Variants in CHRM5 observed in about 807,000 individuals in gnomAD.
The protein encoded by CHRM5 is cholinergic receptor muscarinic 5.
Under a neutral mutation model 39.0 loss-of-function variants are expected in CHRM5, and 18 were observed. The observed-to-expected ratio is 0.46, with a 90% CI of 0.32 to 0.68. The LOEUF is 0.68. Ranked by LOEUF, CHRM5 falls within the 30% of genes least tolerant of loss-of-function variation. The pLI is 0.04. For synonymous variants in CHRM5, 241 were observed against 246.3 expected, an observed-to-expected ratio of 0.98 and a Z score of 0.20; for missense variants, 515 against 651.1, an observed-to-expected ratio of 0.79 and a Z score of 2.28.
At chr15:33,983,207 TATATATACATATATATACACACAC>T (rs1567447735) in intron 1 of CHRM5, among the ~76,000 whole-genome samples, 12 of 16,200 alleles carry the variant, frequency 7.4e-4, no homozygotes, top group South Asian at 3.1e-3. Flanking sequence ...TGTGTATATA[TATATATACATATATATACACACAC>T]ATACACACAC....
chr15:34,030,655 G>A (rs1363684507), intron 1 of CHRM5, among the ~76,000 whole-genome samples: 1 of 151,896 alleles, frequency 6.6e-6, no homozygotes, highest in African/African-American at 2.4e-5. Context: ...TTGAGAAAGA[G>A]TCTCGGGCTG....
chr15:34,048,850 C>T (rs1899824738), intron 2 of CHRM5, among the ~76,000 whole-genome samples: 2 of 152,202 alleles, frequency 1.3e-5, no homozygotes, highest in South Asian at 4.1e-4. Flanking sequence ...CAGTCTGCCA[C>T]CTTTGCTGTT....
intron 1 of CHRM5, among the ~76,000 whole-genome samples, chr15:33,984,663 A>G (rs1198294476): frequency 6.6e-6 from 1 of 152,116 alleles, no homozygotes; most frequent in Non-Finnish European, 1.5e-5. Flanking sequence ...TGGCCTCCCA[A>G]AGTGCTCGGA....
chr15:33,996,926 T>G (rs1896960043), intron 1 of CHRM5, among the ~76,000 whole-genome samples: 1 of 152,208 alleles, frequency 6.6e-6, no homozygotes, highest in African/African-American at 2.4e-5. Context: ...AAGGAGGCTG[T>G]TCGAACCCAT....
chr15:34,053,318 AAATAT>A (rs1451864920), intron 2 of CHRM5, among the ~76,000 whole-genome samples: 2 of 101,972 alleles, frequency 2.0e-5, no homozygotes, highest in Admixed American at 1.2e-4. Flanking sequence ...AAAAAAAAAA[AAATAT>A]ATATATATAT....
intron 2 of CHRM5, among the ~76,000 whole-genome samples, chr15:34,060,965 G>A (rs1437894287): frequency 2.0e-5 from 3 of 150,880 alleles, no homozygotes; most frequent in African/African-American, 7.3e-5. Context: ...GCAGTGAGCC[G>A]AGATAGCGCC....
In CHRM5 at chr15:34,046,577, T is replaced by C. The variant is rs1279810671; in HGVS notation, c.-370T>C. Reference sequence around the variant, plus strand: ...TCATTCTCAGCCTTGCAACTTAAAATATGGTACATGGATCAGTAGCATCAA... The same window carrying C: ...TCATTCTCAGCCTTGCAACTTAAAACATGGTACATGGATCAGTAGCATCAA... On this transcript the variant is annotated 5_prime_UTR_variant, in exon 2 of 3. Transcript: ENST00000383263. The C allele has an allele frequency of 1.3e-5, 2 of 152,204 alleles. No homozygotes were observed. The highest frequency in any genetic ancestry group is 2.9e-5 in the Non-Finnish European group (2 of 68,028). The allele number at this position is 152,204 out of a possible 1,614,324, so 9.4% of individuals were successfully genotyped here. A position where few individuals can be genotyped will look rare whatever the true frequency, so the allele number is the denominator to read the frequency against.
chr15:34,004,350 A>T (rs1482744214), intron 1 of CHRM5, among the ~76,000 whole-genome samples: 1 of 152,228 alleles, frequency 6.6e-6, no homozygotes, highest in East Asian at 1.9e-4. Flanking sequence ...TAAGGAACCC[A>T]GTTTCTTCAA....
intron 1 of CHRM5, among the ~76,000 whole-genome samples, chr15:34,044,131 A>G (rs183844610): frequency 6.6e-6 from 1 of 152,082 alleles, no homozygotes; most frequent in Non-Finnish European, 1.5e-5. Flanking sequence ...TTACACCCTA[A>G]TCCAACTTCT....
At chr15:34,010,628 T>C (rs1388780119) in intron 1 of CHRM5, among the ~76,000 whole-genome samples, 1 of 152,180 alleles carries the variant, frequency 6.6e-6, no homozygotes, top group Non-Finnish European at 1.5e-5. Flanking sequence ...AAAAGGTAAA[T>C]TATATCATAG....
chr15:33,998,575 C>T (rs1490250572), intron 1 of CHRM5, among the ~76,000 whole-genome samples: 2 of 152,222 alleles, frequency 1.3e-5, no homozygotes, highest in African/African-American at 2.4e-5. Context: ...TTTATACCTG[C>T]TGTCTCAAAC....
At chr15:34,047,555 A>C (rs1190595285) in intron 2 of CHRM5, among the ~76,000 whole-genome samples, 1 of 152,152 alleles carries the variant, frequency 6.6e-6, no homozygotes, top group African/African-American at 2.4e-5. Context: ...CAGCCAGCCA[A>C]CAGTAAAAGC....
At chr15:33,991,269 A>ATCT (rs1896710477) in intron 1 of CHRM5, 1 of 152,212 alleles carries the variant, frequency 6.6e-6, no homozygotes, top group Non-Finnish European at 1.5e-5. Context: ...AGACCTTCTA[A>ATCT]CACTTTTCAA....
intron 1 of CHRM5, chr15:34,007,154 G>A (rs1485202120): frequency 1.3e-4 from 67 of 533,686 alleles, no homozygotes; most frequent in Non-Finnish European, 1.6e-4. Context: ...CTATTATCTT[G>A]TCCAATGACA....
At chr15:33,993,433 T>C (rs545118221) in intron 1 of CHRM5, among the ~76,000 whole-genome samples, 1 of 152,212 alleles carries the variant, frequency 6.6e-6, no homozygotes, top group South Asian at 2.1e-4. Context: ...AGAGTGTCAC[T>C]GTCAGTGGTC....
intron 1 of CHRM5, among the ~76,000 whole-genome samples, chr15:33,983,215 C>CGTGTGT (rs1555512818): frequency 8.9e-6 from 1 of 111,784 alleles, no homozygotes; most frequent in African/African-American, 4.1e-5. Context: ...TATATATATA[C>CGTGTGT]ATATATATAC....
chr15:33,995,668 G>C (rs1200702738), intron 1 of CHRM5, among the ~76,000 whole-genome samples: 1 of 152,232 alleles, frequency 6.6e-6, no homozygotes. Flanking sequence ...AAATGAATCA[G>C]ATGCTTCAGA....
chr15:34,034,927 T>C lies in CHRM5; in HGVS notation c.-407-11613T>C, dbSNP rs564671753. ...AAAGTCTAGAGGCTGTCATTTCAGT[T>C]TGAGCTTTTAACAGGCTCTCAGTCT... On this transcript the variant is annotated intron_variant, in intron 1 of 2. Coordinates refer to ENST00000383263, the MANE Select transcript of CHRM5 (RefSeq NM_012125.4). 4.6e-5 allele frequency among the ~76,000 whole-genome samples: 7 copies of C among 152,362 alleles called. No individual in the cohort carries two copies. The South Asian group carries it at 1.2e-3, about 27-fold the overall frequency.
intron 1 of CHRM5, among the ~76,000 whole-genome samples, chr15:33,989,447 GT>G (rs1279827135): frequency 3.0e-4 from 41 of 136,692 alleles, no homozygotes; most frequent in African/African-American, 1.1e-3. Context: ...TTTGTTTGGA[GT>G]TTAAAAAAAA....
Sources: gnomAD v4.1 joint callset for allele counts (sites outside exome capture counted in the v4.1 genomes callset) on GRCh38, gnomAD v4.1.1 for gene constraint, MANE v1.5 for transcripts, NCBI Gene and HGNC (gene_info 2026-07-23, HGNC 2026-07-21) for gene names.